BCL9: variants seen among roughly 807,000 people sequenced by gnomAD.
BCL9 encodes the protein BCL9 transcription coactivator.
BCL9 carries 25 observed loss-of-function variants against 88.5 expected under a neutral mutation model. The observed-to-expected ratio is 0.28, with a 90% CI of 0.21 to 0.39. The LOEUF is 0.39. Among genes scored for constraint, BCL9 ranks in the 10% least tolerant of loss-of-function variants. The probability of loss-of-function intolerance (pLI) is 1.00; values close to 1 mark genes in which losing one functional copy is unlikely to be tolerated. For missense variants in BCL9, 1,817 were observed against 1,877.8 expected, an observed-to-expected ratio of 0.97 and a Z score of 0.60; for synonymous variants, 711 against 673.3, an observed-to-expected ratio of 1.06 and a Z score of -0.87.
intron 1 of BCL9, among the ~76,000 whole-genome samples, chr1:147,561,195 CT>C (rs1411213958): frequency 6.6e-6 from 1 of 152,300 alleles, no homozygotes; most frequent in South Asian, 2.1e-4. Flanking sequence ...AAACTTTTAT[CT>C]TTTTTTCTCA....
chr1:147,608,366 TACAGC>T, intron 3 of BCL9, among the ~76,000 whole-genome samples: 1 of 130,438 alleles, frequency 7.7e-6, no homozygotes. Context: ...GGAAAGATTC[TACAGC>T]CTGTCTGAAT....
intron 1 of BCL9, among the ~76,000 whole-genome samples, chr1:147,575,861 T>C (rs1219743542): frequency 7.0e-6 from 1 of 143,462 alleles, no homozygotes; most frequent in African/African-American, 2.9e-5. Flanking sequence ...TTATATGCAT[T>C]TATACATCAC....
At chr1:147,558,543 C>G (rs1655223219) in intron 1 of BCL9, among the ~76,000 whole-genome samples, 1 of 152,160 alleles carries the variant, frequency 6.6e-6, no homozygotes, top group Admixed American at 6.5e-5. Context: ...CACACACGCT[C>G]TGTGGAAGCA....
At position 147,606,418 on chromosome 1, in the gene BCL9, T is replaced by C. The variant is rs782357190; in HGVS notation, c.-342-366T>C. Among the ~76,000 whole-genome samples, 5 of 152,352 alleles carry C rather than the reference T, an allele frequency of 3.3e-5. No homozygotes were observed. In the South Asian group the frequency reaches 1.0e-3, roughly 32 times the overall value. ...TCTCTTCTCACCTTTACAGTCAGCT[T>C]TCAAATCTCTATACTAATAAGGAAT... On this transcript the variant is annotated intron_variant, in intron 2 of 9. Transcript: ENST00000234739.
At chr1:147,579,003 T>A (rs782548006) in intron 1 of BCL9, among the ~76,000 whole-genome samples, 7 of 152,148 alleles carry the variant, frequency 4.6e-5, no homozygotes, top group Non-Finnish European at 8.8e-5. Context: ...GCAGCTGGGA[T>A]TACAGGCGCC....
At chr1:147,599,478 C>A (rs1286617508) in intron 1 of BCL9, among the ~76,000 whole-genome samples, 2 of 136,968 alleles carry the variant, frequency 1.5e-5, no homozygotes, top group African/African-American at 6.8e-5. Flanking sequence ...CCCCTCCGCG[C>A]CTTTCCTGGC....
chr1:147,615,131 G>A (rs587669618), intron 6 of BCL9, among the ~76,000 whole-genome samples: 5 of 152,192 alleles, frequency 3.3e-5, no homozygotes, highest in Admixed American at 6.5e-5. Flanking sequence ...ATGAGCCACC[G>A]CGCCTGGCCA....
chr1:147,623,573 A>T (rs943543673), intron 9 of BCL9, among the ~76,000 whole-genome samples: 20 of 152,136 alleles, frequency 1.3e-4, no homozygotes, highest in African/African-American at 4.8e-4. Context: ...TTTGTGTGCT[A>T]ATTTATAACT....
At chr1:147,572,489 C>A (rs1451674726) in intron 1 of BCL9, among the ~76,000 whole-genome samples, 6 of 152,170 alleles carry the variant, frequency 3.9e-5, no homozygotes, top group Non-Finnish European at 8.8e-5. Flanking sequence ...GATGGGAAAG[C>A]TTTTGACCTG....
intron 2 of BCL9, among the ~76,000 whole-genome samples, chr1:147,606,038 T>G (rs1298403727): frequency 1.3e-5 from 2 of 152,124 alleles, no homozygotes; most frequent in Non-Finnish European, 2.9e-5. Flanking sequence ...CCTAAATAAT[T>G]TAGCCCTAAG....
At chr1:147,597,488 T>G (rs587728387) in intron 1 of BCL9, among the ~76,000 whole-genome samples, 10 of 152,354 alleles carry the variant, frequency 6.6e-5, no homozygotes, top group African/African-American at 2.4e-4. Flanking sequence ...TCTTAAAATT[T>G]CTAGAGTAGC....
rs758378315 is a variant in BCL9, at chr1:147,614,589, A to G, written c.533A>G (p.Tyr178Cys). 2.2e-5 allele frequency: 36 copies of G among 1,613,760 alleles called. No individual in the cohort carries two copies. Among genetic ancestry groups the G allele is most frequent in the Non-Finnish European group, 3.0e-5 (35 of 1,179,890 alleles). The part of the protein sequence containing the change: ...PAQKTPAKVV[Y>C]VFSTEMANKA... Reference sequence around the variant, plus strand: ...CAGAAGACTCCAGCCAAAGTGGTGTACGTGTTTTCTACTGAGATGGCCAAT... The same window carrying G: ...CAGAAGACTCCAGCCAAAGTGGTGTGCGTGTTTTCTACTGAGATGGCCAAT... The change falls in exon 6 of 10, where the codon TAC becomes TGC. Residue 178 changes from tyrosine to cysteine, a missense_variant. Physicochemically the swap from Tyr to Cys is radical, Grantham distance 194. Around this residue, in one of 2 missense-constraint regions of BCL9, gnomAD observed 1,228 missense variants for 1,191.6 expected, o/e 1.03. Transcript: ENST00000234739.
chr1:147,594,668 T>C (rs1553200300), intron 1 of BCL9, among the ~76,000 whole-genome samples: 1 of 151,842 alleles, frequency 6.6e-6, no homozygotes, highest in African/African-American at 2.4e-5. Context: ...TAAGAGACAA[T>C]GGGAAGAATT....
chr1:147,595,242 C>T (rs961790221), intron 1 of BCL9, among the ~76,000 whole-genome samples: 4 of 152,192 alleles, frequency 2.6e-5, no homozygotes, highest in African/African-American at 9.6e-5. Flanking sequence ...AGTGAAGGTA[C>T]ATCTTAGCAT....
chr1:147,613,285 T>G, intron 5 of BCL9, 86 bp downstream of exon 5: 3 of 1,382,370 alleles, frequency 2.2e-6, no homozygotes, highest in Non-Finnish European at 3.1e-6. Flanking sequence ...CCAGAGAGCC[T>G]AATATCAGAC....
At chr1:147,617,194 G>A (rs587677095) in intron 7 of BCL9, among the ~76,000 whole-genome samples, 1 of 152,292 alleles carries the variant, frequency 6.6e-6, no homozygotes, top group South Asian at 2.1e-4. Context: ...ATATAGTACA[G>A]TGTAACTGAA....
chr1:147,615,181 A>C (rs1658214617), intron 6 of BCL9, among the ~76,000 whole-genome samples: 1 of 152,156 alleles, frequency 6.6e-6, no homozygotes, highest in African/African-American at 2.4e-5. Context: ...ATTGCACAAT[A>C]CACACTTTTC....
At chr1:147,546,080 T>C (rs1237364563) in intron 1 of BCL9, among the ~76,000 whole-genome samples, 1 of 152,136 alleles carries the variant, frequency 6.6e-6, no homozygotes, top group Non-Finnish European at 1.5e-5. Context: ...CTTAATCCTG[T>C]AATCCCAGCA....
chr1:147,589,956 A>G (rs1656779262), intron 1 of BCL9, among the ~76,000 whole-genome samples: 1 of 152,222 alleles, frequency 6.6e-6, no homozygotes, highest in South Asian at 2.1e-4. Flanking sequence ...CCCACCAGCA[A>G]TGCATGAAAG....
Sources: allele counts gnomAD v4.1 joint callset (sites outside exome capture counted in the v4.1 genomes callset), GRCh38; gene constraint gnomAD v4.1.1; regional missense constraint gnomAD v4.1.1; transcripts MANE v1.5; gene names NCBI Gene and HGNC (gene_info 2026-07-23, HGNC 2026-07-21).